Variants in KLRG1 observed in about 807,000 individuals in gnomAD.
The protein encoded by KLRG1 is killer cell lectin-like receptor subfamily G member 1.
In KLRG1, 16 loss-of-function variants were observed where a neutral mutation model predicts 21.8. That is an observed-to-expected ratio of 0.73 (90% CI 0.50 to 1.11). The LOEUF (loss-of-function observed/expected upper bound fraction) is 1.11. Among genes scored for constraint, KLRG1 ranks in the 50% most tolerant of loss-of-function variants. The pLI, the probability that KLRG1 is intolerant of heterozygous loss-of-function variation, is 0.00. For missense variants in KLRG1, 173 were observed against 218.3 expected, an observed-to-expected ratio of 0.79 and a Z score of 1.31; for synonymous variants, 69 against 75.9, an observed-to-expected ratio of 0.91 and a Z score of 0.47.
At chr12:8,981,787 C>T (rs2137291297) in intron 1 of KLRG1, among the ~76,000 whole-genome samples, 1 of 152,074 alleles carries the variant, frequency 6.6e-6, no homozygotes, top group South Asian at 2.1e-4. Context: ...TATATTATTA[C>T]TGAATTTTGT....
At chr12:9,036,847 C>T in the KLRG1 span, 1 of 428,788 alleles carries the variant, frequency 2.3e-6, no homozygotes, top group South Asian at 2.0e-5. Context: ...CAGATGACCA[C>T]TGACAGTGCC....
the KLRG1 span, among the ~76,000 whole-genome samples, chr12:9,153,614 G>T: frequency 6.6e-6 from 1 of 152,164 alleles, no homozygotes; most frequent in South Asian, 2.1e-4. Context: ...TCAAAGAATA[G>T]GTCTAAAACT....
intron 3 of KLRG1, among the ~76,000 whole-genome samples, chr12:9,004,950 T>C (rs1947424877): frequency 2.0e-5 from 3 of 152,200 alleles, no homozygotes; most frequent in African/African-American, 7.2e-5. Context: ...AATAATTATA[T>C]ATATAGGGTA....
intron 4 of KLRG1, 130 bp from the exon 5 acceptor site, chr12:9,009,296 T>C: frequency 1.7e-6 from 2 of 1,210,522 alleles, no homozygotes; most frequent in Non-Finnish European, 2.3e-6. Context: ...ATTTTAATTC[T>C]TCTGCTGTTT....
chr12:9,006,198 G>A (rs1009656733), intron 3 of KLRG1, among the ~76,000 whole-genome samples: 13 of 152,092 alleles, frequency 8.5e-5, no homozygotes, highest in South Asian at 4.1e-4. Flanking sequence ...CATTTTCTTC[G>A]GAAGAGACAG....
At chr12:9,161,498 T>C in the KLRG1 span, among the ~76,000 whole-genome samples, 1 of 152,220 alleles carries the variant, frequency 6.6e-6, no homozygotes, top group African/African-American at 2.4e-5. Flanking sequence ...CTTCCTCTTC[T>C]CATTTAACTA....
chr12:9,194,090 T>G, the KLRG1 span: 1 of 1,613,476 alleles, frequency 6.2e-7, no homozygotes, highest in Non-Finnish European at 8.5e-7. Flanking sequence ...GACAAAAAGT[T>G]TATTAACCGA....
chr12:9,112,485 T>C, the KLRG1 span: 26 of 1,613,888 alleles, frequency 1.6e-5, no homozygotes, highest in Non-Finnish European at 2.0e-5. Flanking sequence ...GTTGGTCCTT[T>C]CACTTGGACA....
At chr12:9,166,077 A>G in the KLRG1 span, 16 of 1,609,774 alleles carry the variant, frequency 9.9e-6, no homozygotes, top group South Asian at 1.8e-4. Context: ...TCCCAGATCC[A>G]AGTCTCAGGA....
At chr12:9,112,012 A>T in the KLRG1 span, 1 of 821,294 alleles carries the variant, frequency 1.2e-6, no homozygotes, top group Non-Finnish European at 2.2e-6. Flanking sequence ...ATGATGTTTT[A>T]GATTAGGATC....
chr12:9,017,670 GA>G, the KLRG1 span, among the ~76,000 whole-genome samples: 1 of 152,140 alleles, frequency 6.6e-6, no homozygotes, highest in African/African-American at 2.4e-5. Context: ...ACGTAATGGG[GA>G]AAACCTGAAA....
the KLRG1 span, chr12:9,169,037 C>T: frequency 5.1e-5 from 61 of 1,207,160 alleles, no homozygotes; most frequent in African/African-American, 6.2e-4. Context: ...AACATATTAT[C>T]CTTAGAGACT....
At chr12:9,087,213 T>G in the KLRG1 span, among the ~76,000 whole-genome samples, 1 of 144,268 alleles carries the variant, frequency 6.9e-6, no homozygotes, top group African/African-American at 2.7e-5. Flanking sequence ...GCAATCTACA[T>G]ATTGAATGTA....
chr12:8,989,425 T>C (rs1247306529), upstream of KLRG1: 1 of 464,982 alleles, frequency 2.2e-6, no homozygotes, highest in East Asian at 4.1e-5. Flanking sequence ...AGTGAGCATC[T>C]ACAGTGTCAT....
At chr12:9,086,973 AGTATTT>A in the KLRG1 span, among the ~76,000 whole-genome samples, 2 of 152,236 alleles carry the variant, frequency 1.3e-5, no homozygotes, top group Non-Finnish European at 2.9e-5. Context: ...AAAAATCAGT[AGTATTT>A]TCTGTTCACT....
chr12:9,170,050 G>A, the KLRG1 span: 1 of 152,442 alleles, frequency 6.6e-6, no homozygotes, highest in Non-Finnish European at 1.5e-5. This position sits in a 1 kb window ranked among gnomAD's most constrained non-coding sequence, Gnocchi z 4.6. Flanking sequence ...AGCACTTACG[G>A]AGTGGAATGA....
At chr12:9,070,286 T>C in the KLRG1 span, among the ~76,000 whole-genome samples, 3 of 152,364 alleles carry the variant, frequency 2.0e-5, no homozygotes, top group South Asian at 6.2e-4. Flanking sequence ...AATCTTTTTC[T>C]TGTAGTCATG....
the KLRG1 span, among the ~76,000 whole-genome samples, chr12:9,110,687 C>T: frequency 6.6e-6 from 1 of 151,736 alleles, no homozygotes; most frequent in East Asian, 1.9e-4. Context: ...AATATATATA[C>T]CTGCTATGTT....
At chr12:9,019,628 A>G in the KLRG1 span, among the ~76,000 whole-genome samples, 1 of 152,192 alleles carries the variant, frequency 6.6e-6, no homozygotes, top group Non-Finnish European at 1.5e-5. Context: ...GGTGGCCAGG[A>G]TGATAGGATG....
Sources: gnomAD v4.1 joint callset for allele counts (sites outside exome capture counted in the v4.1 genomes callset) on GRCh38, gnomAD v4.1.1 for gene constraint, Gnocchi (gnomAD v3.1) non-coding constraint, MANE v1.5 for transcripts, NCBI Gene and HGNC (gene_info 2026-07-23, HGNC 2026-07-21) for gene names.